Variants in GPC4 observed in about 807,000 individuals in gnomAD.
GPC4 encodes the protein glypican 4.
A neutral mutation model predicts 35.0 loss-of-function variants in GPC4; 10 were observed. The observed-to-expected ratio is 0.29, with a 90% confidence interval of 0.18 to 0.48. GPC4 has a LOEUF of 0.48. Among genes scored for constraint, GPC4 ranks in the 20% least tolerant of loss-of-function variants. GPC4 has a pLI of 0.99. For synonymous variants in GPC4, 167 were observed against 170.2 expected (o/e 0.98, Z 0.15); for missense variants, 322 against 451.3 (o/e 0.71, Z 2.60).
At position 133,300,614 on chromosome X, in the gene GPC4, TAA is replaced by T. The variant is rs1213215677; in HGVS notation, c.*2251_*2252del. ...CAAAAGCAAGAGACAATTTAAATAA[TAA>T]AAGAGTAACAGGAAAAAATGCAAAG... On this transcript the variant is annotated 3_prime_UTR_variant, in exon 9 of 9. Transcript: ENST00000370828. 4 of 111,477 alleles carry T rather than the reference TAA, an allele frequency of 3.6e-5. No homozygotes were observed. The highest frequency in any genetic ancestry group is 9.6e-5 in the Admixed American group (1 of 10,420). The allele number at this position is 111,477 out of a possible 1,213,427, so 9.2% of individuals were successfully genotyped here.
chrX:133,347,501 C>T (rs1462724490), intron 1 of GPC4, among the ~76,000 whole-genome samples: 1 of 109,772 alleles, frequency 9.1e-6, no homozygotes, highest in African/African-American at 3.3e-5. Context: ...TAATTCCTTG[C>T]TGTTGGTCTA....
chrX:133,330,842 C>T (rs756849090), intron 2 of GPC4, among the ~76,000 whole-genome samples: 9 of 110,902 alleles, frequency 8.1e-5, no homozygotes, highest in Admixed American at 3.8e-4. Context: ...ACTAGGGAGG[C>T]TGAGATGGGA....
chrX:133,323,990 G>A (rs984813666), intron 3 of GPC4, among the ~76,000 whole-genome samples, 155 bp downstream of exon 3: 10 of 112,019 alleles, frequency 8.9e-5, no homozygotes, highest in African/African-American at 3.2e-4. Context: ...CACGTGTAAG[G>A]ACAGTGTGTG....
chrX:133,409,156 GA>G (rs376780023), intron 1 of GPC4, among the ~76,000 whole-genome samples: 36,516 of 87,992 alleles, frequency 0.41, 6,990 homozygotes, highest in African/African-American at 0.63. Flanking sequence ...CTTCATCTTG[GA>G]AAAAAAAAAA....
chrX:133,404,141 G>A (rs1253676332), intron 1 of GPC4, among the ~76,000 whole-genome samples: 1 of 111,746 alleles, frequency 8.9e-6, no homozygotes, highest in Non-Finnish European at 1.9e-5. Context: ...CCTTAACGAG[G>A]AACCAACTGT....
At chrX:133,345,119 T>C (rs947989305) in intron 1 of GPC4, among the ~76,000 whole-genome samples, 2 of 112,068 alleles carry the variant, frequency 1.8e-5, no homozygotes. Context: ...CTTGGTTCTT[T>C]TATTCTGCAG....
chrX:133,395,483 G>A (rs1349993500), intron 1 of GPC4, among the ~76,000 whole-genome samples: 1 of 110,758 alleles, frequency 9.0e-6, no homozygotes, highest in Non-Finnish European at 1.9e-5. Context: ...AATTAGCCAG[G>A]TATGGTGGTG....
chrX:133,354,569 T>TTTTA lies in GPC4; in HGVS notation c.161-15229_161-15228insTAAA, dbSNP rs1556030424. On this transcript the variant is annotated intron_variant, in intron 1 of 8. Transcript: ENST00000370828. Reference sequence around the variant, plus strand: ...ATTTATTTATTTATTTATTTATTTATTTTTTTTTTTGAGACGGAGTCTCGC... The same window carrying TTTTA: ...ATTTATTTATTTATTTATTTATTTATTTTATTTTTTTTTTGAGACGGAGTCTCGC... Among the ~76,000 whole-genome samples, 12 of 54,472 alleles carry TTTTA rather than the reference T, an allele frequency of 2.2e-4. 1 individual carries two copies. Among genetic ancestry groups the TTTTA allele is most frequent in the African/African-American group, 1.2e-3 (12 of 10,388 alleles). 47.3% of individuals were successfully genotyped at this position (54,472 alleles called of 115,157 possible). A position where few individuals can be genotyped will look rare whatever the true frequency, so the allele number is the denominator to read the frequency against.
At chrX:133,336,908 T>C (rs2068446721) in intron 2 of GPC4, among the ~76,000 whole-genome samples, 1 of 111,206 alleles carries the variant, frequency 9.0e-6, no homozygotes, top group Admixed American at 9.6e-5. Context: ...AGCCTTGAAC[T>C]CCCAGGCTCA....
At chrX:133,349,500 A>G (rs768228755) in intron 1 of GPC4, among the ~76,000 whole-genome samples, 1 of 112,851 alleles carries the variant, frequency 8.9e-6, no homozygotes, top group South Asian at 3.7e-4. Flanking sequence ...CAAGTGTAGA[A>G]GAAAATACAG....
chrX:133,376,647 A>C (rs1250604748), intron 1 of GPC4, among the ~76,000 whole-genome samples: 1 of 112,397 alleles, frequency 8.9e-6, no homozygotes, highest in East Asian at 2.8e-4. Flanking sequence ...TAAAAATGGC[A>C]GTAAAGCACT....
intron 1 of GPC4, among the ~76,000 whole-genome samples, chrX:133,372,974 T>C (rs901346062): frequency 9.0e-6 from 1 of 111,660 alleles, no homozygotes; most frequent in African/African-American, 3.3e-5. Flanking sequence ...CCCACTGTTA[T>C]GGCAATTGGA....
At chrX:133,349,979 A>T (rs1354631546) in intron 1 of GPC4, among the ~76,000 whole-genome samples, 1 of 111,664 alleles carries the variant, frequency 9.0e-6, no homozygotes. Flanking sequence ...CTTTCAGCTT[A>T]AACAAAAGGG....
At chrX:133,372,127 G>C (rs1462447702) in intron 1 of GPC4, among the ~76,000 whole-genome samples, 1 of 108,277 alleles carries the variant, frequency 9.2e-6, no homozygotes, top group Non-Finnish European at 1.9e-5. Flanking sequence ...CAGCTACTCA[G>C]GAGGCTGAGG....
At chrX:133,348,238 T>C (rs1218683102) in intron 1 of GPC4, among the ~76,000 whole-genome samples, 1 of 112,312 alleles carries the variant, frequency 8.9e-6, no homozygotes, top group African/African-American at 3.2e-5. Flanking sequence ...ATTTTAACTA[T>C]ACCAAAGGTT....
At chrX:133,361,916 G>C (rs137904691) in intron 1 of GPC4, among the ~76,000 whole-genome samples, 2,070 of 111,177 alleles carry the variant, frequency 0.019, 57 homozygotes, top group African/African-American at 0.063. Context: ...CAAAGAGCTT[G>C]AAAAATATAG....
intron 1 of GPC4, among the ~76,000 whole-genome samples, chrX:133,372,085 T>C (rs1401062618): frequency 9.1e-6 from 1 of 109,728 alleles, no homozygotes; most frequent in East Asian, 2.9e-4. Flanking sequence ...AATACAAAAT[T>C]AGCTGGGTGT....
chrX:133,402,127 A>G (rs916825128), intron 1 of GPC4, among the ~76,000 whole-genome samples: 8 of 112,046 alleles, frequency 7.1e-5, no homozygotes, highest in African/African-American at 2.6e-4. Context: ...TGATACTCCC[A>G]CTCAGACTGG....
Position 133,341,768 on chromosome X carries a change from G to A in GPC4, c.161-2427C>T, listed in dbSNP as rs141487783. Among the ~76,000 whole-genome samples, 585 of 110,956 alleles carry A rather than the reference G, an allele frequency of 5.3e-3. 5 individuals are homozygous for A. Among genetic ancestry groups the A allele is most frequent in the African/African-American group, 0.018 (536 of 30,483 alleles). On this transcript the variant is annotated intron_variant, in intron 1 of 8. Transcript: ENST00000370828. ...GCAGGAAATAATAATTTTCTCTGTT[G>A]AAGAAGGTGCTAGATGTTGACAGGT...
Sources: gnomAD v4.1 joint callset for allele counts (sites outside exome capture counted in the v4.1 genomes callset) on GRCh38, gnomAD v4.1.1 for gene constraint, MANE v1.5 for transcripts, NCBI Gene and HGNC (gene_info 2026-07-23, HGNC 2026-07-21) for gene names.